Variants in TXNDC11 observed in about 807,000 individuals in gnomAD.
TXNDC11 encodes thioredoxin domain containing 11, also known as thioredoxin domain-containing protein 11.
TXNDC11 carries 68 observed loss-of-function variants against 78.0 expected under a neutral mutation model. The ratio of observed to expected loss-of-function variants is 0.87; its 90% CI spans 0.72 to 1.07. The LOEUF (loss-of-function observed/expected upper bound fraction) is 1.07. Ranked by LOEUF, TXNDC11 falls within the 50% of genes least tolerant of loss-of-function variation. The pLI, the probability that TXNDC11 is intolerant of heterozygous loss-of-function variation, is 0.00. For missense variants in TXNDC11, 1,389 were observed against 1,221.8 expected, an observed-to-expected ratio of 1.14 and a Z score of -2.04; for synonymous variants, 571 against 495.2, an observed-to-expected ratio of 1.15 and a Z score of -2.03.
intron 5 of TXNDC11, among the ~76,000 whole-genome samples, chr16:11,717,892 A>AAC (rs1428717664): frequency 6.6e-6 from 1 of 152,030 alleles, no homozygotes; most frequent in Non-Finnish European, 1.5e-5. Flanking sequence ...ACAACACCTT[A>AAC]ACAGGTGGAC....
chr16:11,698,832 C>A (rs1056121476), intron 6 of TXNDC11, among the ~76,000 whole-genome samples: 1 of 152,182 alleles, frequency 6.6e-6, no homozygotes, highest in African/African-American at 2.4e-5. Context: ...CGGGCCTAGA[C>A]GAACACCAGG....
At chr16:11,697,991 A>G (rs988861872) in intron 7 of TXNDC11, 134 bp downstream of exon 7, 5 of 822,402 alleles carry the variant, frequency 6.1e-6, no homozygotes, top group Non-Finnish European at 1.0e-5. Context: ...GCAAAGAGCA[A>G]TGCTCAGAGC....
intron 7 of TXNDC11, among the ~76,000 whole-genome samples, chr16:11,695,440 T>G (rs1245280763): frequency 6.6e-6 from 1 of 152,038 alleles, no homozygotes; most frequent in Admixed American, 6.5e-5. Context: ...CTGCCCAATA[T>G]TAGGCCTAAG....
rs549677656 is a variant in TXNDC11 at position 11,739,763 on chromosome 16, G to A, written c.254+2714C>T. ...AAGTAAAGATTAGATGCCCAGAAAC[G>A]CACGATTATTCACTGTGGCTCAACC... On this transcript the variant is annotated intron_variant, in intron 1 of 11. Coordinates refer to ENST00000283033, the MANE Select transcript of TXNDC11 (RefSeq NM_015914.7). 9.2e-5 allele frequency among the ~76,000 whole-genome samples: 14 copies of A among 152,088 alleles called. No individual in the cohort carries two copies. The South Asian group carries it at 1.9e-3, about 20-fold the overall frequency.
chr16:11,716,992 A>T (rs2051544042), intron 5 of TXNDC11, among the ~76,000 whole-genome samples: 1 of 152,192 alleles, frequency 6.6e-6, no homozygotes, highest in South Asian at 2.1e-4. Flanking sequence ...GAGAGAGGGA[A>T]AAATCAACTG....
In TXNDC11 at chr16:11,736,138, T is replaced by C; in HGVS notation, c.350A>G (p.Tyr117Cys). 1 of 1,614,170 alleles carries C rather than the reference T, an allele frequency of 6.2e-7. No individual in the cohort carries two copies. Among genetic ancestry groups the C allele is most frequent in the Non-Finnish European group, 8.5e-7 (1 of 1,179,984 alleles). ...TGAATCCCGTCGAACGTACTCTGCA[T>C]AATCCAGCTGCCCCTGGAAGAGGTC... ...VLDLFQGQLD[Y>C]AEYVRRDSEV... Residue 117 changes from tyrosine to cysteine, a missense_variant, in exon 2 of 12, where the codon TAT (tyrosine) becomes TGT (cysteine). Tyr to Cys is a radical substitution (Grantham distance 194). Coordinates refer to ENST00000283033, the MANE Select transcript of TXNDC11 (RefSeq NM_015914.7).
chr16:11,726,687 A>C (rs1460371454), intron 4 of TXNDC11, among the ~76,000 whole-genome samples: 1 of 152,210 alleles, frequency 6.6e-6, no homozygotes, highest in African/African-American at 2.4e-5. Context: ...ATTAAAACCA[A>C]GATACAATTA....
chr16:11,683,595 G>A (rs895123287), intron 11 of TXNDC11, among the ~76,000 whole-genome samples: 8 of 152,170 alleles, frequency 5.3e-5, no homozygotes, highest in Admixed American at 5.2e-4. Flanking sequence ...CAGTCTCTGC[G>A]TCCTCCATAT....
chr16:11,692,109 G>A, intron 7 of TXNDC11, 27 bp from the exon 8 acceptor site: 1 of 1,508,576 alleles, frequency 6.6e-7, no homozygotes, highest in Non-Finnish European at 8.9e-7. Flanking sequence ...AGTTGGTGAA[G>A]GGCTTGGGGA....
chr16:11,687,026 T>C (rs1011679190), intron 10 of TXNDC11, among the ~76,000 whole-genome samples: 4 of 152,234 alleles, frequency 2.6e-5, no homozygotes, highest in African/African-American at 9.6e-5. Flanking sequence ...TCAGATTTGA[T>C]TCTAATTATT....
At position 11,702,865 on chromosome 16, in the gene TXNDC11, G is replaced by A. The variant is rs79080667; in HGVS notation, c.794-2301C>T. ...CAGGTAAGGAGTGGCCGACAAGGAT[G>A]AGGTCGGAGTGAGTATGTCCCTACT... On this transcript the variant is annotated intron_variant, in intron 5 of 11. Coordinates refer to ENST00000283033, the MANE Select transcript of TXNDC11 (RefSeq NM_015914.7). Among the ~76,000 whole-genome samples, 13 of 152,292 alleles carry A rather than the reference G, an allele frequency of 8.5e-5. No homozygotes were observed. The East Asian group carries it at 2.5e-3, about 29-fold the overall frequency.
At position 11,730,756 on chromosome 16, in the gene TXNDC11, G is replaced by C. The variant is rs1567346671; in HGVS notation, c.588C>G (p.Tyr196Ter). ...LYHRSFGPIE[Y>*]KGPMSAVYIE... ...TGTAAACAGCACTCATGGGGCCTTTGTATTCGATTGGTCCAAAACTAGTAC... is the reference window on the plus strand; with the variant it reads ...TGTAAACAGCACTCATGGGGCCTTTCTATTCGATTGGTCCAAAACTAGTAC... Residue 196 changes from tyrosine to a stop codon, truncating the protein, a stop_gained, in exon 4 of 12, where the codon TAC becomes TAG. Coordinates refer to ENST00000283033, the MANE Select transcript of TXNDC11 (RefSeq NM_015914.7). LOFTEE classifies it high-confidence loss of function. 6.2e-7 allele frequency: 1 copy of C among 1,601,858 alleles called. No individual in the cohort carries two copies. Among genetic ancestry groups the C allele is most frequent in the Non-Finnish European group, 8.5e-7 (1 of 1,172,460 alleles).
At chr16:11,684,028 G>A in intron 11 of TXNDC11, 137 bp downstream of exon 11, 1 of 590,362 alleles carries the variant, frequency 1.7e-6, no homozygotes, top group Non-Finnish European at 3.1e-6. Flanking sequence ...TGGGATTACA[G>A]GCATGAGCCA....
Position 11,742,740 on chromosome 16 carries a change from C to G in TXNDC11, c.-10G>C, listed in dbSNP as rs1216307716. On this transcript the variant is annotated 5_prime_UTR_variant, in exon 1 of 12. Coordinates refer to ENST00000283033, the MANE Select transcript of TXNDC11 (RefSeq NM_015914.7). The stretch of plus-strand genomic sequence containing the variant: ...CTCCGCATTCCGACATTACATGCTC[C>G]CAGTCGCCGGCTTTATACCGCCGCC... The G allele has an allele frequency of 2.0e-6, 3 of 1,465,718 alleles. No homozygotes were observed. Among genetic ancestry groups the G allele is most frequent in the Non-Finnish European group, 2.7e-6 (3 of 1,117,610 alleles). The allele number at this position is 1,465,718 out of a possible 1,614,324, so 90.8% of individuals were successfully genotyped here.
intron 11 of TXNDC11, among the ~76,000 whole-genome samples, chr16:11,681,739 G>C (rs1016945631): frequency 6.6e-6 from 1 of 152,202 alleles, no homozygotes; most frequent in Non-Finnish European, 1.5e-5. Context: ...AGAGTCTGAC[G>C]CAAGTGCTGG....
chr16:11,707,439 CTTTTA>C (rs2051215138), intron 5 of TXNDC11, among the ~76,000 whole-genome samples: 1 of 137,066 alleles, frequency 7.3e-6, no homozygotes. Flanking sequence ...TCACCTGTTT[CTTTTA>C]TTTTTCCCAA....
chr16:11,710,328 C>A (rs548294995), intron 5 of TXNDC11, among the ~76,000 whole-genome samples: 65 of 93,118 alleles, frequency 7.0e-4, no homozygotes, highest in African/African-American at 3.2e-3. Flanking sequence ...TAGATGAGGT[C>A]TCTGTCACGT....
At chr16:11,723,168 G>A (rs1051011841) in intron 4 of TXNDC11, among the ~76,000 whole-genome samples, 1 of 151,780 alleles carries the variant, frequency 6.6e-6, no homozygotes, top group Admixed American at 6.6e-5. Context: ...TGAGGCAAGA[G>A]AATCCCTTGA....
intron 4 of TXNDC11, among the ~76,000 whole-genome samples, chr16:11,723,139 T>C (rs2051761369): frequency 6.6e-6 from 1 of 151,786 alleles, no homozygotes; most frequent in South Asian, 2.1e-4. Context: ...ATGCCTGTAG[T>C]CCCAAATACT....
Sources: allele counts gnomAD v4.1 joint callset (sites outside exome capture counted in the v4.1 genomes callset), GRCh38; gene constraint gnomAD v4.1.1; transcripts MANE v1.5; gene names NCBI Gene and HGNC (gene_info 2026-07-23, HGNC 2026-07-21).